Variants in PPARGC1A observed in about 807,000 individuals in gnomAD.
PPARGC1A encodes PPARG coactivator 1 alpha, also known as peroxisome proliferator-activated receptor gamma coactivator 1-alpha.
PPARGC1A carries 25 observed loss-of-function variants against 88.7 expected under a neutral mutation model. The observed-to-expected ratio is 0.28, with a 90% confidence interval of 0.21 to 0.39. The LOEUF (loss-of-function observed/expected upper bound fraction) is 0.39, where lower values mean the gene tolerates loss of function less well. Ranked by LOEUF, PPARGC1A falls within the 10% of genes least tolerant of loss-of-function variation. PPARGC1A has a pLI of 1.00. For synonymous variants in PPARGC1A, 363 were observed against 355.6 expected (o/e 1.02, Z -0.24); for missense variants, 880 against 968.7 (o/e 0.91, Z 1.22).
chr4:24,204,044 A>G, the PPARGC1A span, among the ~76,000 whole-genome samples: 3 of 152,180 alleles, frequency 2.0e-5, no homozygotes, highest in South Asian at 6.2e-4. Context: ...AAATGAGATA[A>G]AAGTCAAGAT....
chr4:24,119,923 A>T, the PPARGC1A span, among the ~76,000 whole-genome samples: 1 of 152,164 alleles, frequency 6.6e-6, no homozygotes, highest in Non-Finnish European at 1.5e-5. Context: ...ATTAGCCATC[A>T]TAAATTATTT....
chr4:24,195,560 G>A, the PPARGC1A span, among the ~76,000 whole-genome samples: 2 of 152,146 alleles, frequency 1.3e-5, 1 homozygote, highest in Admixed American at 1.3e-4. Context: ...GACCAGATTT[G>A]CGTAATTAAA....
chr4:24,270,068 C>T, the PPARGC1A span, among the ~76,000 whole-genome samples: 1 of 152,096 alleles, frequency 6.6e-6, no homozygotes, highest in Non-Finnish European at 1.5e-5. Context: ...AGCGTATTGC[C>T]CTCCTCAGTG....
At chr4:24,087,008 C>T in the PPARGC1A span, among the ~76,000 whole-genome samples, 2 of 152,116 alleles carry the variant, frequency 1.3e-5, no homozygotes, top group African/African-American at 4.8e-5. Context: ...CGTTCTTGAC[C>T]CATATGCTAT....
chr4:23,974,370 T>C, the PPARGC1A span, among the ~76,000 whole-genome samples: 1 of 152,224 alleles, frequency 6.6e-6, no homozygotes, highest in African/African-American at 2.4e-5. Flanking sequence ...GAAATTGTAC[T>C]AATTCTTTGC....
the PPARGC1A span, among the ~76,000 whole-genome samples, chr4:24,434,732 T>C: frequency 2.0e-5 from 3 of 152,238 alleles, no homozygotes; most frequent in Non-Finnish European, 4.4e-5. Flanking sequence ...TGCCCCTCGA[T>C]GCATTGTTGG....
At chr4:24,088,418 A>G in the PPARGC1A span, among the ~76,000 whole-genome samples, 1 of 151,986 alleles carries the variant, frequency 6.6e-6, no homozygotes, top group Non-Finnish European at 1.5e-5. Flanking sequence ...AGGAAGCAGA[A>G]GAAGAAGAGG....
chr4:24,336,102 T>TTC, the PPARGC1A span, among the ~76,000 whole-genome samples: 30,128 of 152,006 alleles, frequency 0.2, 3,202 homozygotes, highest in African/African-American at 0.25. Flanking sequence ...TCCACATCCT[T>TTC]TCTCTATCTT....
the PPARGC1A span, among the ~76,000 whole-genome samples, chr4:24,244,655 T>C: frequency 6.6e-6 from 1 of 152,162 alleles, no homozygotes; most frequent in South Asian, 2.1e-4. Context: ...ACAACATGGC[T>C]TCCCAGAGCA....
At chr4:24,189,342 G>A in the PPARGC1A span, among the ~76,000 whole-genome samples, 8 of 151,746 alleles carry the variant, frequency 5.3e-5, no homozygotes, top group African/African-American at 1.9e-4. Context: ...TTGAGGGAGG[G>A]AGACTTGATC....
the PPARGC1A span, among the ~76,000 whole-genome samples, chr4:23,961,672 T>G: frequency 3.3e-5 from 5 of 151,988 alleles, no homozygotes; most frequent in Non-Finnish European, 7.4e-5. Context: ...GGACAGGTAT[T>G]AAATGGCCAT....
the PPARGC1A span, among the ~76,000 whole-genome samples, chr4:24,237,315 G>A: frequency 2.0e-5 from 3 of 151,534 alleles, no homozygotes; most frequent in African/African-American, 7.3e-5. Flanking sequence ...CTTGCTTTAT[G>A]CTGCTTGACA....
At chr4:23,956,305 G>C in the PPARGC1A span, among the ~76,000 whole-genome samples, 37 of 151,936 alleles carry the variant, frequency 2.4e-4, no homozygotes, top group Non-Finnish European at 5.9e-5. Flanking sequence ...TCTGAGGTGG[G>C]GTTTGGAAGT....
the PPARGC1A span, among the ~76,000 whole-genome samples, chr4:24,245,617 T>C: frequency 2.6e-5 from 4 of 152,192 alleles, no homozygotes; most frequent in African/African-American, 9.6e-5. Context: ...ACTCATTTGC[T>C]GGTACGAGGA....
At chr4:23,947,665 G>A in the PPARGC1A span, among the ~76,000 whole-genome samples, 46 of 152,022 alleles carry the variant, frequency 3.0e-4, no homozygotes, top group Non-Finnish European at 5.4e-4. Flanking sequence ...TTTCACAGCC[G>A]TTAGATGTGG....
chr4:24,048,487 AAC>A, the PPARGC1A span, among the ~76,000 whole-genome samples: 3 of 152,164 alleles, frequency 2.0e-5, no homozygotes, highest in African/African-American at 7.2e-5. Context: ...TTCTTTAGTA[AAC>A]ACAGTTTATG....
At chr4:24,049,322 A>ATGTG in the PPARGC1A span, among the ~76,000 whole-genome samples, 6 of 141,984 alleles carry the variant, frequency 4.2e-5, no homozygotes, top group African/African-American at 1.6e-4. Context: ...ATATATATAT[A>ATGTG]TGTGTGTGTG....
chr4:23,992,086 T>A, the PPARGC1A span, among the ~76,000 whole-genome samples: 13 of 152,108 alleles, frequency 8.5e-5, no homozygotes, highest in African/African-American at 3.1e-4. Context: ...AATTATTGCA[T>A]CAATTACTGC....
the PPARGC1A span, among the ~76,000 whole-genome samples, chr4:24,083,938 G>T: frequency 1.3e-5 from 2 of 152,180 alleles, no homozygotes; most frequent in Non-Finnish European, 2.9e-5. Flanking sequence ...TGCATTGTGT[G>T]TGTTTCTTCA....
Sources: gnomAD v4.1 joint callset for allele counts (sites outside exome capture counted in the v4.1 genomes callset) on GRCh38, gnomAD v4.1.1 for gene constraint, MANE v1.5 for transcripts, NCBI Gene and HGNC (gene_info 2026-07-23, HGNC 2026-07-21) for gene names.